The following IDI2 variants were observed in gnomAD, a reference collection of about 807,000 sequenced individuals.
The protein encoded by IDI2 is isopentenyl-diphosphate delta-isomerase 2.
IDI2 carries 18 observed loss-of-function variants against 14.8 expected under a neutral mutation model. The observed-to-expected ratio is 1.22, with a 90% CI of 0.84 to 1.80. The LOEUF (loss-of-function observed/expected upper bound fraction) is 1.80. IDI2 is among the 40% of genes most tolerant of loss of function. The pLI, the probability that IDI2 is intolerant of heterozygous loss-of-function variation, is 0.00. For missense variants in IDI2, 316 were observed against 283.2 expected (o/e 1.12, Z -0.83); for synonymous variants, 133 against 109.6 (o/e 1.21, Z -1.33).
chr10:1,019,658 C>T lies in IDI2; in HGVS notation c.543G>A (p.Glu181=). 3 of 1,614,094 alleles carry T rather than the reference C, an allele frequency of 1.9e-6. No homozygotes were observed. Among genetic ancestry groups the T allele is most frequent in the Non-Finnish European group, 2.5e-6 (3 of 1,180,028 alleles). ...CACCCCTCGCCTCCCTCTCCAGCAGCTCCCACAGCTCCTCCTGGGACAGGT... is the reference window on the plus strand; with the variant it reads ...CACCCCTCGCCTCCCTCTCCAGCAGTTCCCACAGCTCCTCCTGGGACAGGT... ...ILYLSQEELW[E]LLEREARGEV... The change falls in exon 5 of 5, where the codon GAG becomes GAA. Residue 181 remains glutamate (E), a synonymous_variant. Coordinates refer to ENST00000277517, the MANE Select transcript of IDI2 (RefSeq NM_033261.3).
intron 1 of IDI2, among the ~76,000 whole-genome samples, chr10:1,025,541 C>CAAAAA (rs34925490): frequency 9.6e-6 from 1 of 103,824 alleles, no homozygotes. Context: ...GACTCTGTCT[C>CAAAAA]AAAAAAAAAA....
chr10:1,020,694 GACTTTGT>G, intron 4 of IDI2, 66 bp downstream of exon 4: 2 of 1,323,094 alleles, frequency 1.5e-6, no homozygotes, highest in South Asian at 2.0e-5. Flanking sequence ...ATCCAGCCTG[GACTTTGT>G]TCACCGTCTG....
chr10:1,024,839 CCTT>C, intron 1 of IDI2, 95 bp from the exon 2 acceptor site: 1 of 1,154,690 alleles, frequency 8.7e-7, no homozygotes, highest in Non-Finnish European at 1.3e-6. Context: ...TTAGCATACA[CCTT>C]CTCTACAAGT....
rs1470116784 is a variant in IDI2 at position 1,019,768 on chromosome 10, C to T, written c.433G>A (p.Gly145Arg). The T allele has an allele frequency of 6.2e-7, 1 of 1,613,950 alleles. No individual in the cohort carries two copies. Among genetic ancestry groups the T allele is most frequent in the Non-Finnish European group, 8.5e-7 (1 of 1,179,966 alleles). Residue 145 changes from glycine to arginine, a missense_variant, in exon 5 of 5, where the codon GGA (glycine) becomes AGA (arginine). By Grantham distance (125) the Gly-to-Arg change is moderately radical. Transcript: ENST00000277517. ...AGAAGGTAACAAATTTCATGCTCTC[C>T]CCAAATTCTGTCTGATTTTGCCTTG... ...HHKAKSDRIW[G>R]EHEICYLLLV...
chr10:1,021,605 C>T (rs982857486), intron 3 of IDI2, among the ~76,000 whole-genome samples: 1 of 152,194 alleles, frequency 6.6e-6, no homozygotes, highest in Non-Finnish European at 1.5e-5. Flanking sequence ...AGGCGGCTAA[C>T]ACATGATAGG....
intron 1 of IDI2, among the ~76,000 whole-genome samples, chr10:1,025,010 CCACA>C (rs72086728): frequency 3.9e-3 from 559 of 145,140 alleles, no homozygotes; most frequent in African/African-American, 6.7e-3. Context: ...CCCCGCCCCA[CCACA>C]CACACACACA....
At chr10:1,022,885 A>AC in intron 2 of IDI2, 110 bp from the exon 3 acceptor site, 1 of 797,780 alleles carries the variant, frequency 1.3e-6, no homozygotes, top group East Asian at 2.6e-5. Flanking sequence ...TGATTGTGGC[A>AC]CCTGGGCAGG....
rs139354776 is a variant in IDI2, at chr10:1,025,807, T to G, written c.-22+9A>C. Reference sequence around the variant, plus strand: ...AAGAATTCCCACAAGGTAAAACATATGCACTAACCTCTCTTGGAAGCTGGA... The same window carrying G: ...AAGAATTCCCACAAGGTAAAACATAGGCACTAACCTCTCTTGGAAGCTGGA... On this transcript the variant is annotated intron_variant, in intron 1 of 4. Transcript: ENST00000277517. 1 of 152,098 alleles carries G rather than the reference T, an allele frequency of 6.6e-6. No individual in the cohort carries two copies. The highest frequency in any genetic ancestry group is 2.4e-5 in the African/African-American group (1 of 41,410). The allele number at this position is 152,098 out of a possible 1,614,324, so 9.4% of individuals were successfully genotyped here.
At chr10:1,025,541 CAAAA>C (rs34925490) in intron 1 of IDI2, among the ~76,000 whole-genome samples, 5 of 103,816 alleles carry the variant, frequency 4.8e-5, no homozygotes, top group Non-Finnish European at 4.0e-5. Context: ...GACTCTGTCT[CAAAA>C]AAAAAAAAAA....
rs368201188 is a variant in IDI2 at position 1,019,848 on chromosome 10, T to C, written c.367-14A>G. 1.7e-4 allele frequency: 270 copies of C among 1,591,144 alleles called. 1 individual carries two copies. The South Asian group carries it at 2.5e-3, about 15-fold the overall frequency. The stretch of plus-strand genomic sequence containing the variant: ...CTCTGGAGAAATCTATTGACAGAAA[T>C]TGGTGCAGTGTTAACAACGCTAATG... On this transcript the variant is annotated splice_polypyrimidine_tract_variant and intron_variant, in intron 4 of 4. Transcript: ENST00000277517.
Position 1,020,883 on chromosome 10 carries a change from A to G in IDI2, c.250T>C (p.Ser84Pro), listed in dbSNP as rs144110388. Residue 84 changes from serine (S) to proline (P), a missense_variant, in exon 4 of 5, where the codon TCC becomes CCC. Physicochemically the swap from Ser to Pro is moderately conservative, Grantham distance 74. Transcript: ENST00000277517. ...KVTFPGYFTD[S>P]CSSHPLYNPA... ...TTGTATAATGGGTGGCTACTACAGG[A>G]GTCGGTAAAATACCCTGGAAAAAAT... 6 of 1,612,930 alleles carry G rather than the reference A, an allele frequency of 3.7e-6. No homozygotes were observed. The African/African-American group carries it at 5.3e-5, about 14-fold the overall frequency.
At position 1,022,755 on chromosome 10, in the gene IDI2, T is replaced by C. The variant is rs530413279; in HGVS notation, c.163A>G (p.Ser55Gly). Reference sequence around the variant, plus strand: ...TTCTTGGTGTTAAACAAGACAACGCTGAAGGCTCGGTGCAGCAGCCCTGCA... The same window carrying C: ...TTCTTGGTGTTAAACAAGACAACGCCGAAGGCTCGGTGCAGCAGCCCTGCA... The part of the protein sequence containing the change: ...IEKGLLHRAF[S>G]VVLFNTKNRI... The change falls in exon 3 of 5, where the codon AGC becomes GGC. Residue 55 changes from serine (S) to glycine (G), a missense_variant. Ser to Gly is a moderately conservative substitution (Grantham distance 56). Coordinates refer to ENST00000277517, the MANE Select transcript of IDI2 (RefSeq NM_033261.3). 28 of 1,614,130 alleles carry C rather than the reference T, an allele frequency of 1.7e-5. 1 individual carries two copies. The highest frequency in any genetic ancestry group is 1.6e-4 in the Middle Eastern group (1 of 6,062).
intron 3 of IDI2, among the ~76,000 whole-genome samples, chr10:1,021,508 G>A (rs553406592): frequency 9.2e-5 from 14 of 152,268 alleles, no homozygotes; most frequent in South Asian, 4.2e-4. Flanking sequence ...TGCTTCCTTC[G>A]GTCACTCTGC....
chr10:1,024,872 C>T (rs917794980), intron 1 of IDI2, 128 bp from the exon 2 acceptor site: 6 of 829,064 alleles, frequency 7.2e-6, no homozygotes, highest in African/African-American at 5.1e-5. Context: ...TGTGTTGAAG[C>T]AGCACAGTTC....
chr10:1,020,436 G>C (rs1174749683), intron 4 of IDI2, among the ~76,000 whole-genome samples: 1 of 151,980 alleles, frequency 6.6e-6, no homozygotes, highest in African/African-American at 2.4e-5. Flanking sequence ...TGATCCGCCC[G>C]CCTCGGCCTC....
At chr10:1,024,892 G>A (rs1832185187) in intron 1 of IDI2, 148 bp from the exon 2 acceptor site, 1 of 732,310 alleles carries the variant, frequency 1.4e-6, no homozygotes, top group Non-Finnish European at 2.2e-6. Context: ...CTGAGATATG[G>A]AAGGTGAATC....
At chr10:1,025,032 A>G (rs1015074470) in intron 1 of IDI2, among the ~76,000 whole-genome samples, 4 of 151,152 alleles carry the variant, frequency 2.6e-5, no homozygotes, top group Non-Finnish European at 3.0e-5. Flanking sequence ...ACACACACAC[A>G]CACACACACA....
intron 3 of IDI2, among the ~76,000 whole-genome samples, chr10:1,021,409 A>G (rs1346371746): frequency 2.0e-5 from 3 of 152,190 alleles, no homozygotes; most frequent in Non-Finnish European, 4.4e-5. Context: ...GTTCTACTTA[A>G]TTTACCCAAG....
In IDI2 at chr10:1,025,816, C is replaced by T. The variant is rs1235765963; in HGVS notation, c.-22G>A. 1 of 152,100 alleles carries T rather than the reference C, an allele frequency of 6.6e-6. No homozygotes were observed. Among genetic ancestry groups the T allele is most frequent in the African/African-American group, 2.4e-5 (1 of 41,402 alleles). 9.4% of individuals were successfully genotyped at this position (152,100 alleles called of 1,614,324 possible). On this transcript the variant is annotated splice_region_variant and 5_prime_UTR_variant, in exon 1 of 5. Transcript: ENST00000277517. ...CACAAGGTAAAACATATGCACTAAC[C>T]TCTCTTGGAAGCTGGAGACTCCTGG...
Sources: gnomAD v4.1 joint callset for allele counts (sites outside exome capture counted in the v4.1 genomes callset) on GRCh38, gnomAD v4.1.1 for gene constraint, MANE v1.5 for transcripts, NCBI Gene and HGNC (gene_info 2026-07-23, HGNC 2026-07-21) for gene names.